RNF213: variants seen among roughly 807,000 people sequenced by gnomAD.
RNF213 encodes the protein ring finger protein 213.
Under a neutral mutation model 514.4 loss-of-function variants are expected in RNF213, and 341 were observed. The observed-to-expected ratio is 0.66, with a 90% CI of 0.61 to 0.73. The LOEUF is 0.73. Ranked by LOEUF, RNF213 falls within the 30% of genes least tolerant of loss-of-function variation. The pLI is 0.00. For missense variants in RNF213, 5,767 were observed against 6,615.6 expected, an observed-to-expected ratio of 0.87 and a Z score of 4.45; for synonymous variants, 2,655 against 2,658.2, an observed-to-expected ratio of 1.00 and a Z score of 0.04.
intron 36 of RNF213, 163 bp downstream of exon 36, chr17:80,354,739 T>A: frequency 1.1e-6 from 1 of 870,150 alleles, no homozygotes; most frequent in Middle Eastern, 3.3e-4. Context: ...AAGCACACAG[T>A]AGGTCTGGAC....
chr17:80,328,441 C>A lies in RNF213; in HGVS notation c.3481C>A (p.Leu1161Met), dbSNP rs1469128678. 6 of 1,537,040 alleles carry A rather than the reference C, an allele frequency of 3.9e-6. No individual in the cohort carries two copies. The East Asian group carries it at 7.3e-5, about 19-fold the overall frequency. ...KKEKRCVDSLLKMCGNVKHLI... is the reference protein window; with the variant it reads ...KKEKRCVDSLMKMCGNVKHLI... ...AGAGAAAAGATGTGTTGATAGTCTC[C>A]TGAAGATGTGTGGGAACGTGAAACA... Residue 1161 changes from leucine to methionine, a missense_variant, in exon 20 of 68, where the codon CTG becomes ATG. By Grantham distance (15) the Leu-to-Met change is conservative (BLOSUM62 2). Transcript: ENST00000582970.
At chr17:80,297,882 A>T (rs1000022267) in intron 10 of RNF213, among the ~76,000 whole-genome samples, 1 of 152,042 alleles carries the variant, frequency 6.6e-6, no homozygotes, top group Non-Finnish European at 1.5e-5. Context: ...CCTTGAGCCC[A>T]AGAGTTCGAG....
At chr17:80,304,555 G>A (rs2045291310) in intron 11 of RNF213, among the ~76,000 whole-genome samples, 1 of 151,732 alleles carries the variant, frequency 6.6e-6, no homozygotes, top group Admixed American at 6.6e-5. Flanking sequence ...CAGGAGAATG[G>A]CGTGAGCCTG....
chr17:80,337,985 G>A lies in RNF213; in HGVS notation c.4821G>A (p.Glu1607=). ...GKKDRNNTEV[E]RFSEVFCSVQ... is the part of the protein sequence containing the mutation. ...AGGATCGTAACAACACGGAAGTGGA[G>A]AGGTTTTCAGAGGTGAGGGCGCATC... Residue 1607 remains glutamate, a synonymous_variant, in exon 25 of 68, where the codon GAG becomes GAA. Transcript: ENST00000582970. The A allele has an allele frequency of 2.6e-6, 4 of 1,537,328 alleles. No individual in the cohort carries two copies. The highest frequency in any genetic ancestry group is 3.5e-6 in the Non-Finnish European group (4 of 1,146,930).
At chr17:80,363,419 A>G in intron 40 of RNF213, 105 bp downstream of exon 40, 1 of 1,286,946 alleles carries the variant, frequency 7.8e-7, no homozygotes, top group Non-Finnish European at 1.1e-6. Flanking sequence ...AGATTTCTTC[A>G]CAAGGCACAT....
At chr17:80,267,301 C>T (rs893541435) in intron 2 of RNF213, among the ~76,000 whole-genome samples, 5 of 151,256 alleles carry the variant, frequency 3.3e-5, no homozygotes, top group African/African-American at 4.9e-5. Context: ...ATTAGCTAGG[C>T]ATGGTGGCGT....
intron 36 of RNF213, among the ~76,000 whole-genome samples, chr17:80,358,009 GCAAA>G (rs2078898026): frequency 6.6e-6 from 1 of 152,072 alleles, no homozygotes; most frequent in Non-Finnish European, 1.5e-5. Context: ...AAATAAAAAA[GCAAA>G]CACTACTTCA....
At chr17:80,344,148 A>G in intron 28 of RNF213, 133 bp downstream of exon 28, 8 of 906,474 alleles carry the variant, frequency 8.8e-6, no homozygotes, top group Non-Finnish European at 1.3e-5. Context: ...ATGCAGTGTT[A>G]GTAAAGAAAA....
chr17:80,321,788 A>G (rs185110638), intron 17 of RNF213, among the ~76,000 whole-genome samples: 1 of 152,020 alleles, frequency 6.6e-6, no homozygotes, highest in African/African-American at 2.4e-5. Flanking sequence ...CAGTGGCGTG[A>G]TCTTGGCTCA....
chr17:80,277,620 C>G (rs1399571112), intron 3 of RNF213, among the ~76,000 whole-genome samples: 1 of 141,774 alleles, frequency 7.1e-6, no homozygotes, highest in African/African-American at 2.6e-5. Context: ...AAAAAAAAGC[C>G]TAAATATCCA....
chr17:80,339,301 C>T lies in RNF213; in HGVS notation c.4934C>T (p.Pro1645Leu). The T allele has an allele frequency of 6.5e-7, 1 of 1,536,896 alleles. No homozygotes were observed. Among genetic ancestry groups the T allele is most frequent in the Non-Finnish European group, 8.7e-7 (1 of 1,146,606 alleles). The change falls in exon 26 of 68, where the codon CCC (proline) becomes CTC (leucine). Residue 1645 changes from proline (P) to leucine (L), a missense_variant. Pro to Leu is a moderately conservative substitution (Grantham distance 98). Transcript: ENST00000582970. ...RTWIAMAYCSPKQGVSLQMDF... is the reference protein window; with the variant it reads ...RTWIAMAYCSLKQGVSLQMDF... The stretch of plus-strand genomic sequence containing the variant: ...TGGATCGCCATGGCCTACTGCTCCC[C>T]CAAGCAGGGTGTGTCCCTCCAAATG...
chr17:80,379,820 G>C, intron 55 of RNF213, 106 bp downstream of exon 55: 1 of 893,418 alleles, frequency 1.1e-6, no homozygotes, highest in Admixed American at 1.9e-5. Flanking sequence ...AATTACTCCA[G>C]TACATGTGGG....
chr17:80,369,956 T>C, intron 46 of RNF213, 89 bp downstream of exon 46: 1 of 882,776 alleles, frequency 1.1e-6, no homozygotes, highest in Non-Finnish European at 1.9e-6. Context: ...TTGTCGTGAC[T>C]AGTAGCTAGT....
At chr17:80,355,524 G>T (rs2078740051) in intron 36 of RNF213, among the ~76,000 whole-genome samples, 1 of 27,272 alleles carries the variant, frequency 3.7e-5, no homozygotes, top group African/African-American at 2.3e-4. Context: ...GGGGCTTACA[G>T]GGGGAAGAAG....
intron 12 of RNF213, 39 bp from the exon 13 acceptor site, chr17:80,307,089 C>T: frequency 6.3e-7 from 1 of 1,593,984 alleles, no homozygotes; most frequent in Non-Finnish European, 8.6e-7. Flanking sequence ...CATTGTGATT[C>T]AATCTTTTGT....
intron 3 of RNF213, among the ~76,000 whole-genome samples, chr17:80,279,737 G>A (rs8072756): frequency 0.32 from 48,935 of 151,972 alleles, 9,226 homozygotes; most frequent in Non-Finnish European, 0.43. Flanking sequence ...CCAAAATGCT[G>A]GGATTACAGA....
intron 58 of RNF213, 23 bp from the exon 59 acceptor site, chr17:80,383,650 ATTTT>A (rs527700001): frequency 1.3e-6 from 2 of 1,549,266 alleles, no homozygotes; most frequent in Admixed American, 3.4e-5. Context: ...CACTTCCAGA[ATTTT>A]TTTTTTCATT....
Position 80,313,026 on chromosome 17 carries a change from G to A in RNF213, c.2670G>A (p.Gln890=). The A allele has an allele frequency of 6.2e-7, 1 of 1,613,960 alleles. No individual in the cohort carries two copies. The highest frequency in any genetic ancestry group is 1.1e-5 in the South Asian group (1 of 91,082). Residue 890 remains glutamine (Q), a synonymous_variant, in exon 15 of 68, where the codon CAG becomes CAA. Transcript: ENST00000582970. Reference sequence around the variant, plus strand: ...TGTGACAACAGGATTCTGCAGGACAGAGAGATGAAACTGGAAATAATTCAG... The same window carrying A: ...TGTGACAACAGGATTCTGCAGGACAAAGAGATGAAACTGGAAATAATTCAG... ...RLLSLVDSAG[Q]RDETGNNSVQ...
Position 80,320,110 on chromosome 17 carries a change from C to G in RNF213, c.3024+798C>G, listed in dbSNP as rs538805382. ...GGTAGTCACAGATATGTACAGTCATCACCACAGTTAATGACAGAGCATTTT... is the reference window on the plus strand; with the variant it reads ...GGTAGTCACAGATATGTACAGTCATGACCACAGTTAATGACAGAGCATTTT... On this transcript the variant is annotated intron_variant, in intron 17 of 67. Coordinates refer to ENST00000582970, the MANE Select transcript of RNF213 (RefSeq NM_001256071.3). The G allele has an allele frequency of 2.1e-5, 14 of 671,292 alleles. No individual in the cohort carries two copies. In the South Asian group the frequency reaches 5.1e-4, roughly 24 times the overall value. The allele number at this position is 671,292 out of a possible 1,614,324, so 41.6% of individuals were successfully genotyped here. A position where few individuals can be genotyped will look rare whatever the true frequency, so the allele number is the denominator to read the frequency against.
Sources: allele counts gnomAD v4.1 joint callset (sites outside exome capture counted in the v4.1 genomes callset), GRCh38; gene constraint gnomAD v4.1.1; transcripts MANE v1.5; gene names NCBI Gene and HGNC (gene_info 2026-07-23, HGNC 2026-07-21).